ADGRL3: variants seen among roughly 807,000 people sequenced by gnomAD.
ADGRL3 encodes the protein adhesion G protein-coupled receptor L3.
Under a neutral mutation model 153.5 loss-of-function variants are expected in ADGRL3, and 62 were observed. The observed-to-expected ratio is 0.40, with a 90% CI of 0.33 to 0.50. The LOEUF (loss-of-function observed/expected upper bound fraction) is 0.50. Ranked by LOEUF, ADGRL3 falls within the 20% of genes least tolerant of loss-of-function variation. The pLI is 0.47. For missense variants in ADGRL3, 1,641 were observed against 1,859.4 expected (o/e 0.88, Z 2.16); for synonymous variants, 710 against 672.5 (o/e 1.06, Z -0.86).
intron 17 of ADGRL3, among the ~76,000 whole-genome samples, chr4:61,961,644 T>C (rs554021900): frequency 2.0e-5 from 3 of 152,046 alleles, no homozygotes; most frequent in South Asian, 4.2e-4. Context: ...CCATTACTTA[T>C]CTCTGTGAAG....
At chr4:61,340,550 G>A (rs1189808876) in intron 1 of ADGRL3, among the ~76,000 whole-genome samples, 4 of 151,880 alleles carry the variant, frequency 2.6e-5, no homozygotes, top group South Asian at 2.1e-4. Context: ...ACTTTAATAT[G>A]CTGTTGTGGG....
intron 9 of ADGRL3, among the ~76,000 whole-genome samples, chr4:61,892,093 T>A (rs1440417526): frequency 1.3e-5 from 2 of 152,108 alleles, no homozygotes; most frequent in Non-Finnish European, 2.9e-5. Context: ...ATAAAGTAGA[T>A]CACTAAGCTA....
At chr4:61,401,586 G>A (rs2096930708) in intron 2 of ADGRL3, among the ~76,000 whole-genome samples, 1 of 151,950 alleles carries the variant, frequency 6.6e-6, no homozygotes, top group Non-Finnish European at 1.5e-5. Flanking sequence ...TATGGTTTAA[G>A]TTTTGCTAAG....
intron 1 of ADGRL3, among the ~76,000 whole-genome samples, chr4:61,214,550 A>C (rs1366613563): frequency 6.6e-6 from 1 of 152,232 alleles, no homozygotes; most frequent in African/African-American, 2.4e-5. Context: ...TCAGAAAAGT[A>C]ATTAAACAGA....
Position 61,294,903 on chromosome 4 carries a change from T to TCA in ADGRL3, c.-239-88190_-239-88189dup, listed in dbSNP as rs3035670. Among the ~76,000 whole-genome samples, 830 of 131,026 alleles carry TCA rather than the reference T, an allele frequency of 6.3e-3. 9 individuals are homozygous for TCA. The highest frequency in any genetic ancestry group is 0.021 in the African/African-American group (772 of 37,612). 86.0% of individuals were successfully genotyped at this position (131,026 alleles called of 152,430 possible). A position where few individuals can be genotyped will look rare whatever the true frequency, so the allele number is the denominator to read the frequency against. ...AAATTTTACACACACACACACACAC[T>TCA]CACACACACACACACACACACACAC... is the stretch of plus-strand genomic sequence containing the variant. On this transcript the variant is annotated intron_variant, in intron 1 of 26. Coordinates refer to ENST00000683033, the MANE Select transcript of ADGRL3 (RefSeq NM_001387552.1).
chr4:62,006,302 C>A (rs1267873494), intron 21 of ADGRL3, among the ~76,000 whole-genome samples: 1 of 151,726 alleles, frequency 6.6e-6, no homozygotes, highest in Non-Finnish European at 1.5e-5. Context: ...TCCCAAAGTG[C>A]CTGAGCCGCG....
chr4:61,745,290 A>G (rs1183958789), intron 8 of ADGRL3, among the ~76,000 whole-genome samples: 1 of 152,218 alleles, frequency 6.6e-6, no homozygotes, highest in African/African-American at 2.4e-5. Context: ...ACTCTGCAGG[A>G]TATTATCCAG....
intron 1 of ADGRL3, among the ~76,000 whole-genome samples, chr4:61,250,286 G>C (rs1239105408): frequency 6.6e-6 from 1 of 152,176 alleles, no homozygotes; most frequent in Non-Finnish European, 1.5e-5. Flanking sequence ...TTCAATGGCA[G>C]TGAGGAACCA....
chr4:61,984,440 T>C (rs543662291), intron 19 of ADGRL3, among the ~76,000 whole-genome samples: 1 of 152,146 alleles, frequency 6.6e-6, no homozygotes, highest in African/African-American at 2.4e-5. Flanking sequence ...GACACAGTGG[T>C]GCATGTCTAT....
chr4:61,681,615 G>C (rs950802283), intron 6 of ADGRL3, among the ~76,000 whole-genome samples: 5 of 151,986 alleles, frequency 3.3e-5, no homozygotes, highest in African/African-American at 1.2e-4. Context: ...CAAGAAAAAT[G>C]AGCATTATTG....
In ADGRL3 at chr4:62,061,638, A is replaced by G. The variant is rs555280297; in HGVS notation, c.3815-6528A>G. Among the ~76,000 whole-genome samples, 4 of 152,134 alleles carry G rather than the reference A, an allele frequency of 2.6e-5. No individual in the cohort carries two copies. In the South Asian group the frequency reaches 8.3e-4, roughly 32 times the overall value. ...CCATCCTCCATCTTTCACCCCTGGC[A>G]ACCACTTATCTGTTCTCCATTTCTA... On this transcript the variant is annotated intron_variant, in intron 25 of 26. Coordinates refer to ENST00000683033, the MANE Select transcript of ADGRL3 (RefSeq NM_001387552.1).
intron 1 of ADGRL3, among the ~76,000 whole-genome samples, chr4:61,294,901 A>T (rs1319546583): frequency 3.2e-4 from 6 of 18,802 alleles, no homozygotes; most frequent in African/African-American, 7.7e-4. Context: ...ACACACACAC[A>T]CTCACACACA....
At chr4:61,605,687 C>G (rs1351587865) in intron 5 of ADGRL3, among the ~76,000 whole-genome samples, 1 of 152,048 alleles carries the variant, frequency 6.6e-6, no homozygotes, top group East Asian at 1.9e-4. Flanking sequence ...ATAATATTAC[C>G]TTGATACAAA....
intron 9 of ADGRL3, among the ~76,000 whole-genome samples, chr4:61,885,557 C>A (rs1219356632): frequency 6.6e-6 from 1 of 152,114 alleles, no homozygotes; most frequent in Non-Finnish European, 1.5e-5. Flanking sequence ...TTGCCGGGCC[C>A]ATAATAAGTG....
At chr4:61,968,377 T>C (rs905569017) in intron 17 of ADGRL3, among the ~76,000 whole-genome samples, 3 of 152,170 alleles carry the variant, frequency 2.0e-5, no homozygotes, top group Non-Finnish European at 4.4e-5. Flanking sequence ...ACATCTTCTT[T>C]AGAGAACATT....
At chr4:61,812,911 A>C (rs1343813641) in intron 8 of ADGRL3, among the ~76,000 whole-genome samples, 1 of 152,172 alleles carries the variant, frequency 6.6e-6, no homozygotes, top group Non-Finnish European at 1.5e-5. Context: ...TTTTCATTAA[A>C]TACAGTAGGA....
At chr4:61,874,949 C>T (rs1468784709) in intron 9 of ADGRL3, among the ~76,000 whole-genome samples, 3 of 151,064 alleles carry the variant, frequency 2.0e-5, no homozygotes, top group Non-Finnish European at 4.4e-5. Context: ...GCTGGGACTA[C>T]AGGCGCCCAC....
chr4:61,334,320 T>C (rs1384317427), intron 1 of ADGRL3, among the ~76,000 whole-genome samples: 2 of 152,196 alleles, frequency 1.3e-5, no homozygotes, highest in African/African-American at 4.8e-5. Context: ...TAAGAGGATC[T>C]ACCCTGGCAA....
intron 1 of ADGRL3, among the ~76,000 whole-genome samples, chr4:61,272,655 A>T (rs2093256732): frequency 6.6e-6 from 1 of 152,100 alleles, no homozygotes; most frequent in Admixed American, 6.6e-5. Context: ...ACCAACATTG[A>T]TTCTGCTGTT....
Sources: allele counts gnomAD v4.1 joint callset (sites outside exome capture counted in the v4.1 genomes callset), GRCh38; gene constraint gnomAD v4.1.1; transcripts MANE v1.5; gene names NCBI Gene and HGNC (gene_info 2026-07-23, HGNC 2026-07-21).